Variants in ZFR2 observed in about 807,000 individuals in gnomAD.
ZFR2 encodes the protein zinc finger RNA binding protein 2, also known as zinc finger RNA-binding protein 2.
Under a neutral mutation model 105.7 loss-of-function variants are expected in ZFR2, and 104 were observed. That is an observed-to-expected ratio of 0.98 (90% CI 0.84 to 1.16). The LOEUF (loss-of-function observed/expected upper bound fraction) is 1.16. ZFR2 is among the 50% of genes most tolerant of loss of function. The pLI is 0.00. For synonymous variants in ZFR2, 634 were observed against 597.7 expected, an observed-to-expected ratio of 1.06 and a Z score of -0.89; for missense variants, 1,425 against 1,355.5, an observed-to-expected ratio of 1.05 and a Z score of -0.80.
intron 1 of ZFR2, 111 bp downstream of exon 1, chr19:3,868,854 G>A: frequency 1.1e-6 from 1 of 930,082 alleles, no homozygotes; most frequent in Non-Finnish European, 1.4e-6. Flanking sequence ...TCCAGGTTGG[G>A]GCTGGGACTG....
chr19:3,849,979 G>A (rs1443819087), intron 1 of ZFR2, among the ~76,000 whole-genome samples: 2 of 152,170 alleles, frequency 1.3e-5, no homozygotes, highest in African/African-American at 4.8e-5. Flanking sequence ...TGAGCAGACT[G>A]AGGACCTGTG....
At chr19:3,831,057 A>C (rs1433356960) in intron 5 of ZFR2, among the ~76,000 whole-genome samples, 1 of 152,046 alleles carries the variant, frequency 6.6e-6, no homozygotes, top group Non-Finnish European at 1.5e-5. Context: ...ATACATGCAC[A>C]CTCACGTTTG....
intron 1 of ZFR2, among the ~76,000 whole-genome samples, chr19:3,835,808 G>A (rs2038072445): frequency 6.6e-6 from 1 of 151,870 alleles, no homozygotes; most frequent in Non-Finnish European, 1.5e-5. Flanking sequence ...CAAACAATTA[G>A]CGAGTGTGAT....
At chr19:3,811,447 G>C (rs2037763787) in intron 14 of ZFR2, 81 bp from the exon 15 acceptor site, 1 of 1,369,970 alleles carries the variant, frequency 7.3e-7, no homozygotes, top group Non-Finnish European at 9.9e-7. Context: ...GGCTCAGTTT[G>C]GGCCCCTCGA....
intron 1 of ZFR2, among the ~76,000 whole-genome samples, chr19:3,851,227 CA>C (rs1276162938): frequency 6.6e-6 from 1 of 152,050 alleles, no homozygotes. Context: ...GGGTGATGGA[CA>C]GGGGGACAGA....
chr19:3,812,964 C>T (rs1360926300), intron 14 of ZFR2, among the ~76,000 whole-genome samples: 3 of 152,214 alleles, frequency 2.0e-5, no homozygotes, highest in East Asian at 1.9e-4. Context: ...ACCTGTAGTC[C>T]CAGCTACTCG....
intron 1 of ZFR2, among the ~76,000 whole-genome samples, chr19:3,862,154 A>G (rs2038381142): frequency 6.6e-6 from 1 of 152,148 alleles, no homozygotes; most frequent in African/African-American, 2.4e-5. Context: ...ATTTGTTCTG[A>G]TCATTCTAAA....
chr19:3,831,662 G>GT lies in ZFR2; in HGVS notation c.595dup (p.Thr199AsnfsTer9). On this transcript the variant is annotated frameshift_variant, in exon 4 of 19. Coordinates refer to ENST00000262961, the MANE Select transcript of ZFR2 (RefSeq NM_015174.2). LOFTEE classifies it high-confidence loss of function. ...TGGGCAAGGAACGCTGGTCTTACCC[G>GT]TGTAGGCGGTGCAGGTGGGGTTGTA... 1 of 1,545,076 alleles carries GT rather than the reference G, an allele frequency of 6.5e-7. No homozygotes were observed. Among genetic ancestry groups the GT allele is most frequent in the Non-Finnish European group, 8.8e-7 (1 of 1,142,164 alleles).
At chr19:3,814,020 G>C in intron 13 of ZFR2, 62 bp from the exon 14 acceptor site, 1 of 1,597,080 alleles carries the variant, frequency 6.3e-7, no homozygotes. Flanking sequence ...GTGTAAATCA[G>C]CCAGGATGTG....
At chr19:3,855,428 G>C (rs8111014) in intron 1 of ZFR2, 2 of 1,231,444 alleles carry the variant, frequency 1.6e-6, no homozygotes, top group Non-Finnish European at 2.0e-6. Context: ...GCAGTCCCGG[G>C]CGATCCGGCG....
chr19:3,819,002 C>G, intron 12 of ZFR2, 43 bp downstream of exon 12: 1 of 1,592,376 alleles, frequency 6.3e-7, no homozygotes, highest in Non-Finnish European at 8.5e-7. Flanking sequence ...TGACCTCTGT[C>G]CTGGCTGAGA....
At chr19:3,810,710 G>T in intron 16 of ZFR2, 40 bp downstream of exon 16, 1 of 1,529,038 alleles carries the variant, frequency 6.5e-7, no homozygotes, top group South Asian at 1.2e-5. Flanking sequence ...AGGCCCTTGG[G>T]GGTCCCAGTG....
chr19:3,809,620 CAGGAG>C (rs2037740081), intron 16 of ZFR2, among the ~76,000 whole-genome samples: 1 of 152,182 alleles, frequency 6.6e-6, no homozygotes, highest in Non-Finnish European at 1.5e-5. Context: ...GACCTCCTCC[CAGGAG>C]AGGAGAGGAC....
At position 3,813,257 on chromosome 19, in the gene ZFR2, A is replaced by G. The variant is rs2037787299; in HGVS notation, c.2242+563T>C. Among the ~76,000 whole-genome samples, 1 of 152,230 alleles carries G rather than the reference A, an allele frequency of 6.6e-6. No individual in the cohort carries two copies. Among genetic ancestry groups the G allele is most frequent in the Non-Finnish European group, 1.5e-5 (1 of 68,038 alleles). On this transcript the variant is annotated intron_variant, in intron 14 of 18. Coordinates refer to ENST00000262961, the MANE Select transcript of ZFR2 (RefSeq NM_015174.2). The surrounding 1 kb of genome is among the most constrained non-coding windows in gnomAD (Gnocchi z 4.4). ...GCTGGCTGAGACTTCGGGAGCACAG[A>G]CGTGCAGTGTGTTACTGATGCCTGT...
intron 10 of ZFR2, 51 bp downstream of exon 10, chr19:3,821,289 G>T: frequency 6.6e-7 from 1 of 1,505,484 alleles, no homozygotes. Context: ...GTTCCACGCT[G>T]GACCTGCCCT....
intron 1 of ZFR2, among the ~76,000 whole-genome samples, chr19:3,842,679 A>AGG (rs1295987644): frequency 6.8e-6 from 1 of 147,208 alleles, no homozygotes; most frequent in Non-Finnish European, 1.5e-5. Flanking sequence ...GCTGGAGTGC[A>AGG]GGGGCATGAT....
chr19:3,828,882 T>C (rs1208126548), intron 5 of ZFR2, among the ~76,000 whole-genome samples: 1 of 152,090 alleles, frequency 6.6e-6, no homozygotes, highest in Non-Finnish European at 1.5e-5. Flanking sequence ...TCAGAGACAT[T>C]GTCTGGTTTT....
intron 13 of ZFR2, among the ~76,000 whole-genome samples, chr19:3,814,900 C>T (rs1472295590): frequency 6.6e-6 from 1 of 152,100 alleles, no homozygotes; most frequent in African/African-American, 2.4e-5. Context: ...TGCTCTGGGC[C>T]TCCTGCTTTT....
intron 12 of ZFR2, among the ~76,000 whole-genome samples, chr19:3,817,608 T>TAAG (rs199836556): frequency 1.0e-5 from 1 of 100,342 alleles, no homozygotes; most frequent in African/African-American, 3.5e-5. Flanking sequence ...ATAATAATAA[T>TAAG]TAGCTGGGTG....
Sources: gnomAD v4.1 joint callset for allele counts (sites outside exome capture counted in the v4.1 genomes callset) on GRCh38, gnomAD v4.1.1 for gene constraint, Gnocchi (gnomAD v3.1) non-coding constraint, MANE v1.5 for transcripts, NCBI Gene and HGNC (gene_info 2026-07-23, HGNC 2026-07-21) for gene names.